ARHGEF4: variants seen among roughly 807,000 people sequenced by gnomAD.
The protein encoded by ARHGEF4 is APC-stimulated guanine nucleotide exchange factor 1.
A neutral mutation model predicts 162.0 loss-of-function variants in ARHGEF4; 119 were observed. The ratio of observed to expected loss-of-function variants is 0.73; its 90% CI spans 0.63 to 0.86. The LOEUF is 0.86. Ranked by LOEUF, ARHGEF4 falls within the 40% of genes least tolerant of loss-of-function variation. The pLI is 0.00. For synonymous variants in ARHGEF4, 1,014 were observed against 979.9 expected (o/e 1.03, Z -0.65); for missense variants, 2,488 against 2,456.0 (o/e 1.01, Z -0.28).
chr2:130,917,412 G>A lies in ARHGEF4; in HGVS notation c.3466G>A (p.Glu1156Lys). 2 of 1,550,634 alleles carry A rather than the reference G, an allele frequency of 1.3e-6. No homozygotes were observed. Among genetic ancestry groups the A allele is most frequent in the South Asian group, 2.4e-5 (2 of 84,056 alleles). ...TTCTCTGCAGACGCTAAACCAAGAT[G>A]AGCAGAAGGAAGAGAGCAGGGAAGG... ...LLSLQTLNQDEQKEESREGGQ... is the reference protein window; with the variant it reads ...LLSLQTLNQDKQKEESREGGQ... The change falls in exon 2 of 14, where the codon GAG becomes AAG. Residue 1156 changes from glutamate to lysine, a missense_variant. Physicochemically the swap from Glu to Lys is moderately conservative, Grantham distance 56. Transcript: ENST00000409359.
At chr2:130,981,435 C>T (rs569263621) in intron 4 of ARHGEF4, among the ~76,000 whole-genome samples, 18 of 152,150 alleles carry the variant, frequency 1.2e-4, no homozygotes, top group African/African-American at 4.1e-4. Context: ...CCAAGGCAGG[C>T]GGATCCCAAG....
intron 4 of ARHGEF4, among the ~76,000 whole-genome samples, chr2:131,009,465 G>C (rs1050967121): frequency 6.6e-6 from 1 of 151,976 alleles, no homozygotes; most frequent in African/African-American, 2.4e-5. Flanking sequence ...AATTGTTTCT[G>C]CTTCATTCAC....
chr2:131,038,683 T>C (rs73960400), intron 5 of ARHGEF4, among the ~76,000 whole-genome samples, 170 bp from the exon 6 acceptor site: 29,422 of 152,192 alleles, frequency 0.19, 4,641 homozygotes, highest in African/African-American at 0.43. Flanking sequence ...GCCCAGAACA[T>C]AGCCCCTGCC....
intron 1 of ARHGEF4, among the ~76,000 whole-genome samples, chr2:130,863,058 C>CA (rs1257133326): frequency 9.4e-3 from 39 of 4,164 alleles, no homozygotes; most frequent in African/African-American, 0.011. Context: ...GACTCCAACT[C>CA]AAAAAAAAAA....
chr2:130,908,657 C>T (rs528357180), intron 1 of ARHGEF4, among the ~76,000 whole-genome samples: 17 of 151,906 alleles, frequency 1.1e-4, no homozygotes, highest in South Asian at 8.3e-4. Flanking sequence ...GCCCAGGCGA[C>T]AGTGCGAGCT....
intron 4 of ARHGEF4, among the ~76,000 whole-genome samples, chr2:130,966,610 C>T (rs1380217936): frequency 2.0e-5 from 3 of 152,200 alleles, no homozygotes; most frequent in African/African-American, 4.8e-5. Flanking sequence ...CTGGATGTAA[C>T]GTGATGAGGC....
intron 3 of ARHGEF4, among the ~76,000 whole-genome samples, chr2:130,936,511 T>G (rs763876230): frequency 6.6e-5 from 10 of 152,214 alleles, no homozygotes; most frequent in Non-Finnish European, 1.3e-4. Flanking sequence ...ATGGGATAAT[T>G]TTTCCATTCA....
intron 11 of ARHGEF4, among the ~76,000 whole-genome samples, chr2:131,044,003 G>A (rs1174486398): frequency 2.6e-5 from 4 of 152,096 alleles, no homozygotes; most frequent in African/African-American, 7.2e-5. Flanking sequence ...CCTTGTCCAC[G>A]GGTGATCTTT....
chr2:131,003,634 C>T (rs1182964810), intron 4 of ARHGEF4, among the ~76,000 whole-genome samples: 9 of 152,176 alleles, frequency 5.9e-5, no homozygotes. Context: ...TGAGGTCAGC[C>T]TGAGTGACAC....
rs1339894360 is a variant in ARHGEF4, at chr2:130,915,067, G to C, written c.1121G>C (p.Arg374Thr). ...GGGGCCAAAAATGAACGAGATCCAAGAATACAAAACATCCCTTCCCCTGCA... is the reference window on the plus strand; with the variant it reads ...GGGGCCAAAAATGAACGAGATCCAACAATACAAAACATCCCTTCCCCTGCA... Reference protein sequence around the residue: ...KEGAKNERDPRIQNIPSPAPT... With the variant: ...KEGAKNERDPTIQNIPSPAPT... Residue 374 changes from arginine (R) to threonine (T), a missense_variant, in exon 2 of 14, where the codon AGA becomes ACA. Arg to Thr is a moderately conservative substitution (Grantham distance 71). Around this residue, in one of 6 missense-constraint regions of ARHGEF4, gnomAD observed 1,642 missense variants for 1,481.5 expected, o/e 1.11. Coordinates refer to ENST00000409359, the MANE Select transcript of ARHGEF4 (RefSeq NM_001367493.1). The C allele has an allele frequency of 1.2e-5, 18 of 1,550,752 alleles. No homozygotes were observed. The highest frequency in any genetic ancestry group is 1.6e-5 in the Non-Finnish European group (18 of 1,147,028).
At chr2:130,852,614 G>T (rs957131332) in intron 1 of ARHGEF4, among the ~76,000 whole-genome samples, 4 of 152,184 alleles carry the variant, frequency 2.6e-5, no homozygotes, top group African/African-American at 9.6e-5. Flanking sequence ...CATAAGGTGG[G>T]ACGCCCTGCA....
chr2:130,878,686 T>C (rs1559015770), intron 1 of ARHGEF4, among the ~76,000 whole-genome samples: 4 of 152,358 alleles, frequency 2.6e-5, no homozygotes, highest in Admixed American at 1.3e-4. Flanking sequence ...GCCACGGTGA[T>C]TGCCTCTCTC....
chr2:130,919,657 C>T (rs529907689), intron 2 of ARHGEF4, among the ~76,000 whole-genome samples: 1 of 152,240 alleles, frequency 6.6e-6, no homozygotes, highest in African/African-American at 2.4e-5. Flanking sequence ...GGGCGGATCA[C>T]CTGAGGTCAG....
At chr2:131,000,098 T>C (rs950226901) in intron 4 of ARHGEF4, among the ~76,000 whole-genome samples, 1 of 152,240 alleles carries the variant, frequency 6.6e-6, no homozygotes. Context: ...TTCAGTGTTT[T>C]AAATAAAAAG....
At chr2:130,870,718 T>G (rs1309111996) in intron 1 of ARHGEF4, among the ~76,000 whole-genome samples, 1 of 152,104 alleles carries the variant, frequency 6.6e-6, no homozygotes. Context: ...GGTATCTAAT[T>G]TCTTACAAGG....
intron 1 of ARHGEF4, among the ~76,000 whole-genome samples, chr2:130,890,549 G>A (rs1198427441): frequency 2.0e-5 from 3 of 146,596 alleles, no homozygotes; most frequent in African/African-American, 7.7e-5. Flanking sequence ...GTGATAGAGC[G>A]AGACTCCGTT....
chr2:130,963,353 G>T (rs143974178), intron 4 of ARHGEF4, among the ~76,000 whole-genome samples: 3,180 of 152,028 alleles, frequency 0.021, 104 homozygotes, highest in African/African-American at 0.072. Flanking sequence ...CCCCGCCGGC[G>T]CGCACGCCTG....
chr2:130,878,481 G>C (rs1300390936), intron 1 of ARHGEF4, among the ~76,000 whole-genome samples: 1 of 152,230 alleles, frequency 6.6e-6, no homozygotes, highest in African/African-American at 2.4e-5. Context: ...AGTGGATGCT[G>C]TGTGAGCAGT....
At chr2:130,995,172 C>T (rs573591088) in intron 4 of ARHGEF4, among the ~76,000 whole-genome samples, 1 of 152,324 alleles carries the variant, frequency 6.6e-6, no homozygotes, top group Non-Finnish European at 1.5e-5. Context: ...TGGAAACTTC[C>T]CTGTGAATGA....
Sources: allele counts gnomAD v4.1 joint callset (sites outside exome capture counted in the v4.1 genomes callset), GRCh38; gene constraint gnomAD v4.1.1; regional missense constraint gnomAD v4.1.1; transcripts MANE v1.5; gene names NCBI Gene and HGNC (gene_info 2026-07-23, HGNC 2026-07-21).